Variants in OLFML2A observed in about 807,000 individuals in gnomAD.
The protein encoded by OLFML2A is olfactomedin like 2A.
Under a neutral mutation model 60.9 loss-of-function variants are expected in OLFML2A, and 47 were observed. The observed-to-expected ratio is 0.77, with a 90% CI of 0.61 to 0.98. The LOEUF is 0.98. OLFML2A is among the 50% of genes least tolerant of loss of function. The pLI, the probability that OLFML2A is intolerant of heterozygous loss-of-function variation, is 0.00. For synonymous variants in OLFML2A, 372 were observed against 375.0 expected, an observed-to-expected ratio of 0.99 and a Z score of 0.09; for missense variants, 922 against 879.8, an observed-to-expected ratio of 1.05 and a Z score of -0.61.
chr9:124,804,236 C>T lies in OLFML2A; in HGVS notation c.1062C>T (p.Thr354=), dbSNP rs756430536. 67 of 1,613,598 alleles carry T rather than the reference C, an allele frequency of 4.2e-5. No individual in the cohort carries two copies. Among genetic ancestry groups the T allele is most frequent in the Non-Finnish European group, 5.5e-5 (65 of 1,179,868 alleles). The change falls in exon 6 of 8, where the codon ACC becomes ACT. Residue 354 remains threonine (T), a synonymous_variant. Transcript: ENST00000373580. ...SSERVDLASG[T]PTSIPATTTT... ...AGCGAGTGGACCTGGCTTCTGGCAC[C>T]CCCACTTCAATCCCTGCCACCACCA...
At chr9:124,782,430 A>G (rs1054874771) in intron 1 of OLFML2A, among the ~76,000 whole-genome samples, 8 of 152,244 alleles carry the variant, frequency 5.3e-5, no homozygotes, top group African/African-American at 1.9e-4. Context: ...CTTCTGTGCC[A>G]GGTGCCATGC....
In OLFML2A at chr9:124,807,785, A is replaced by G. The variant is rs748819056; in HGVS notation, c.1173A>G (p.Arg391=). ...TGCCTGCCCTCCTCCCCACAGGCAG[A>G]GAGGCGAGCTGTGAGGGCACCCTCC... ...PSGPEVSSQG[R]EASCEGTLRA... Residue 391 remains arginine, a synonymous_variant, in exon 7 of 8, where the codon AGA becomes AGG. Coordinates refer to ENST00000373580, the MANE Select transcript of OLFML2A (RefSeq NM_182487.4). The G allele has an allele frequency of 2.5e-6, 4 of 1,610,006 alleles. No individual in the cohort carries two copies. Among genetic ancestry groups the G allele is most frequent in the Non-Finnish European group, 3.4e-6 (4 of 1,178,618 alleles).
chr9:124,786,225 C>G (rs879927049), intron 1 of OLFML2A, among the ~76,000 whole-genome samples: 13 of 152,140 alleles, frequency 8.5e-5, no homozygotes, highest in Non-Finnish European at 1.8e-4. Context: ...GAATTCAAGA[C>G]TAGCCTGAGC....
At chr9:124,801,330 C>A in intron 4 of OLFML2A, 84 bp from the exon 5 acceptor site, 2 of 1,427,476 alleles carry the variant, frequency 1.4e-6, no homozygotes, top group Admixed American at 1.8e-5. Context: ...TGGCCACCTC[C>A]AGTCCCCACA....
chr9:124,801,685 AC>A (rs1056601626), intron 5 of OLFML2A, 22 bp downstream of exon 5: 3 of 1,607,846 alleles, frequency 1.9e-6, no homozygotes, highest in Non-Finnish European at 2.6e-6. Flanking sequence ...GGGAATGGGG[AC>A]CCTGGGGAGT....
chr9:124,797,016 T>G (rs974919183), intron 3 of OLFML2A, among the ~76,000 whole-genome samples: 2 of 152,172 alleles, frequency 1.3e-5, no homozygotes, highest in African/African-American at 4.8e-5. Flanking sequence ...GTTTGTTTGT[T>G]TTTTTGAGAC....
At chr9:124,809,721 C>T in intron 7 of OLFML2A, 87 bp from the exon 8 acceptor site, 1 of 1,467,458 alleles carries the variant, frequency 6.8e-7, no homozygotes, top group Non-Finnish European at 9.2e-7. Context: ...ACTTACTGGG[C>T]CACTGAGAGC....
chr9:124,807,999 GGTAT>G, intron 7 of OLFML2A, 33 bp downstream of exon 7: 1 of 1,572,674 alleles, frequency 6.4e-7, no homozygotes, highest in South Asian at 1.1e-5. Context: ...GAGGGGGCTG[GGTAT>G]GGACAACCTG....
At chr9:124,778,817 A>G (rs1458275263) in intron 1 of OLFML2A, 4 of 228,742 alleles carry the variant, frequency 1.7e-5, no homozygotes, top group Non-Finnish European at 2.9e-5. Flanking sequence ...AAAACAAACA[A>G]AAAAAAAAAC....
At chr9:124,786,749 G>GAC (rs3138850) in intron 1 of OLFML2A, among the ~76,000 whole-genome samples, 1,859 of 129,776 alleles carry the variant, frequency 0.014, 14 homozygotes, top group Middle Eastern at 0.035. Context: ...CAGAGACGTA[G>GAC]ACACACACAC....
intron 5 of OLFML2A, among the ~76,000 whole-genome samples, chr9:124,803,538 T>C (rs1841823389): frequency 1.3e-5 from 2 of 152,262 alleles, no homozygotes; most frequent in African/African-American, 2.4e-5. Context: ...ATGCTGGGAT[T>C]ACAGGCACCA....
intron 6 of OLFML2A, among the ~76,000 whole-genome samples, chr9:124,805,139 C>T (rs930370881): frequency 1.3e-5 from 2 of 152,134 alleles, no homozygotes; most frequent in African/African-American, 4.8e-5. Flanking sequence ...TAGTTTTGCT[C>T]TGTGTCTCAT....
At chr9:124,778,278 G>T (rs1841296475) in intron 1 of OLFML2A, among the ~76,000 whole-genome samples, 1 of 151,710 alleles carries the variant, frequency 6.6e-6, no homozygotes, top group African/African-American at 2.4e-5. Flanking sequence ...GGAGAATGGC[G>T]TGAACCCGGG....
chr9:124,790,494 C>T (rs892973169), intron 2 of OLFML2A, among the ~76,000 whole-genome samples: 1 of 152,112 alleles, frequency 6.6e-6, no homozygotes, highest in African/African-American at 2.4e-5. Context: ...GAATTCTCTA[C>T]TTTGTCCCCT....
intron 3 of OLFML2A, among the ~76,000 whole-genome samples, chr9:124,798,679 C>G (rs1405650633): frequency 4.6e-5 from 6 of 131,132 alleles, no homozygotes; most frequent in Non-Finnish European, 1.6e-5. Flanking sequence ...ATTAAAAACA[C>G]AAAAAATTAG....
chr9:124,782,210 G>T (rs1841374137), intron 1 of OLFML2A, among the ~76,000 whole-genome samples: 1 of 152,292 alleles, frequency 6.6e-6, no homozygotes, highest in Middle Eastern at 3.4e-3. Context: ...GACTGTGGGT[G>T]GCCATGAGAG....
At position 124,787,038 on chromosome 9, in the gene OLFML2A, A is replaced by T; in HGVS notation, c.154A>T (p.Ile52Phe). 6.2e-7 allele frequency: 1 copy of T among 1,614,048 alleles called. No homozygotes were observed. Among genetic ancestry groups the T allele is most frequent in the Non-Finnish European group, 8.5e-7 (1 of 1,180,014 alleles). The change falls in exon 2 of 8, where the codon ATC becomes TTC. Residue 52 changes from isoleucine (I) to phenylalanine (F), a missense_variant. By Grantham distance (21) the Ile-to-Phe change is conservative. Coordinates refer to ENST00000373580, the MANE Select transcript of OLFML2A (RefSeq NM_182487.4). ...SEGSDCRCKC[I>F]MRPLSKDACS... ...GGGCTCCGACTGCCGTTGCAAGTGC[A>T]TCATGCGGCCCCTGAGCAAGGACGC...
chr9:124,787,562 ATTTT>A (rs1841499676), intron 2 of OLFML2A, among the ~76,000 whole-genome samples: 2 of 145,180 alleles, frequency 1.4e-5, no homozygotes, highest in East Asian at 4.1e-4. Context: ...ATTTTATTTT[ATTTT>A]ATTTATTTCT....
intron 5 of OLFML2A, 77 bp from the exon 6 acceptor site, chr9:124,804,017 G>A: frequency 1.3e-6 from 2 of 1,522,700 alleles, no homozygotes; most frequent in Non-Finnish European, 1.8e-6. Context: ...CTGAGATGGG[G>A]GCCCAGTGGA....
Sources: allele counts gnomAD v4.1 joint callset (sites outside exome capture counted in the v4.1 genomes callset), GRCh38; gene constraint gnomAD v4.1.1; transcripts MANE v1.5; gene names NCBI Gene and HGNC (gene_info 2026-07-23, HGNC 2026-07-21).